MBTD1: variants seen among roughly 807,000 people sequenced by gnomAD.
MBTD1 encodes mbt domain containing 1, also known as MBT domain-containing protein 1.
A neutral mutation model predicts 87.8 loss-of-function variants in MBTD1; 24 were observed. The ratio of observed to expected loss-of-function variants is 0.27; its 90% CI spans 0.20 to 0.38. MBTD1 has a LOEUF of 0.38. Ranked by LOEUF, MBTD1 falls within the 10% of genes least tolerant of loss-of-function variation. The pLI, the probability that MBTD1 is intolerant of heterozygous loss-of-function variation, is 1.00. For synonymous variants in MBTD1, 237 were observed against 248.6 expected, an observed-to-expected ratio of 0.95 and a Z score of 0.44; for missense variants, 436 against 760.2, an observed-to-expected ratio of 0.57 and a Z score of 5.02.
chr17:51,179,496 A>ATATATATATATT lies in MBTD1; in HGVS notation c.*1079_*1080insAATATATATATA, dbSNP rs1555673726. On this transcript the variant is annotated 3_prime_UTR_variant, in exon 17 of 17. Transcript: ENST00000586178. The stretch of plus-strand genomic sequence containing the variant: ...ATTAAAGACAATTTTATATATATAT[A>ATATATATATATT]TATATATATATATATATATATATAT... 6.0e-4 allele frequency: 32 copies of ATATATATATATT among 53,092 alleles called. 1 individual carries two copies. Among genetic ancestry groups the ATATATATATATT allele is most frequent in the South Asian group, 1.2e-3 (2 of 1,696 alleles). 3.3% of individuals were successfully genotyped at this position (53,092 alleles called of 1,614,324 possible).
At chr17:51,205,253 T>C (rs2051751609) in intron 7 of MBTD1, among the ~76,000 whole-genome samples, 1 of 152,238 alleles carries the variant, frequency 6.6e-6, no homozygotes, top group Admixed American at 6.5e-5. Flanking sequence ...AGTTTGCTAA[T>C]TACTGCTGAA....
chr17:51,209,879 G>C (rs2052071054), intron 6 of MBTD1, among the ~76,000 whole-genome samples: 1 of 152,166 alleles, frequency 6.6e-6, no homozygotes, highest in African/African-American at 2.4e-5. Flanking sequence ...AATATTATTT[G>C]GAAGGGGAGA....
intron 2 of MBTD1, among the ~76,000 whole-genome samples, chr17:51,239,087 G>C (rs928745811): frequency 1.5e-5 from 2 of 132,008 alleles, no homozygotes; most frequent in Admixed American, 7.7e-5. Context: ...GCGACCAAGC[G>C]AGTCTCCATC....
intron 5 of MBTD1, among the ~76,000 whole-genome samples, 175 bp downstream of exon 5, chr17:51,218,755 C>T (rs1174187426): frequency 6.6e-6 from 1 of 152,112 alleles, no homozygotes; most frequent in Non-Finnish European, 1.5e-5. Flanking sequence ...TGCAACTATA[C>T]TCTTCTAGAG....
chr17:51,228,685 G>C (rs1208122153), intron 2 of MBTD1, among the ~76,000 whole-genome samples: 1 of 151,252 alleles, frequency 6.6e-6, no homozygotes, highest in Non-Finnish European at 1.5e-5. Flanking sequence ...CTGAGGTCAG[G>C]AGTTTGAGAC....
At chr17:51,221,099 G>A (rs2143629504) in intron 3 of MBTD1, among the ~76,000 whole-genome samples, 1 of 152,232 alleles carries the variant, frequency 6.6e-6, no homozygotes, top group Admixed American at 6.5e-5. Flanking sequence ...TATGGGACCA[G>A]CCTGGGCAAG....
chr17:51,228,946 A>G (rs1262502154), intron 2 of MBTD1, among the ~76,000 whole-genome samples: 1 of 151,980 alleles, frequency 6.6e-6, no homozygotes, highest in African/African-American at 2.4e-5. Flanking sequence ...TGCAAAATAA[A>G]AACAGGAGAC....
chr17:51,227,456 G>A (rs2053295866), intron 2 of MBTD1, among the ~76,000 whole-genome samples: 1 of 152,026 alleles, frequency 6.6e-6, no homozygotes, highest in Admixed American at 6.6e-5. Flanking sequence ...AGCTACTTGG[G>A]AGGCTGAAGT....
At chr17:51,187,603 A>C (rs1223161413) in intron 16 of MBTD1, among the ~76,000 whole-genome samples, 1 of 152,100 alleles carries the variant, frequency 6.6e-6, no homozygotes, top group East Asian at 1.9e-4. Context: ...TGATCCCAGC[A>C]CTTTGGGAGG....
chr17:51,209,696 A>C (rs1057078464), intron 6 of MBTD1, among the ~76,000 whole-genome samples: 7 of 152,216 alleles, frequency 4.6e-5, no homozygotes, highest in Non-Finnish European at 7.3e-5. Context: ...CCAACCAAAG[A>C]CAACCATACA....
intron 2 of MBTD1, among the ~76,000 whole-genome samples, chr17:51,228,252 G>A (rs1042621254): frequency 6.6e-6 from 1 of 151,992 alleles, no homozygotes; most frequent in South Asian, 2.1e-4. Flanking sequence ...AGAGGACCAG[G>A]AAAAATAACG....
At chr17:51,259,051 A>G (rs1490855388) in intron 2 of MBTD1, 92 bp downstream of exon 2, 9 of 398,614 alleles carry the variant, frequency 2.3e-5, no homozygotes, top group African/African-American at 2.1e-5. Flanking sequence ...GGGTAGGCAG[A>G]CAACAATTAG....
chr17:51,247,509 CG>C (rs911976021), intron 2 of MBTD1, among the ~76,000 whole-genome samples: 1 of 148,676 alleles, frequency 6.7e-6, no homozygotes, highest in Non-Finnish European at 1.5e-5. Context: ...TGCAGCAGCA[CG>C]ATCTTGGCTC....
At chr17:51,255,742 G>C (rs2055051136) in intron 2 of MBTD1, among the ~76,000 whole-genome samples, 1 of 151,720 alleles carries the variant, frequency 6.6e-6, no homozygotes, top group African/African-American at 2.4e-5. Context: ...GGACTACAGG[G>C]GTGTGCCACC....
chr17:51,189,614 A>C (rs550820481), intron 16 of MBTD1, among the ~76,000 whole-genome samples: 9 of 152,358 alleles, frequency 5.9e-5, no homozygotes, highest in Non-Finnish European at 1.2e-4. Context: ...TGTCTACATA[A>C]AACTCACAGA....
chr17:51,190,750 A>AAAAAAAAAAATAT (rs1555677185), intron 16 of MBTD1, among the ~76,000 whole-genome samples: 1 of 39,718 alleles, frequency 2.5e-5, no homozygotes, highest in African/African-American at 1.5e-4. Flanking sequence ...AAAAAAAAAA[A>AAAAAAAAAAATAT]ATATATATAT....
At chr17:51,202,573 G>A in intron 10 of MBTD1, 128 bp downstream of exon 10, 2 of 704,252 alleles carry the variant, frequency 2.8e-6, no homozygotes, top group African/African-American at 1.8e-5. Context: ...ACTAATTAAG[G>A]TAGAAGAAGC....
intron 2 of MBTD1, among the ~76,000 whole-genome samples, chr17:51,232,692 T>C (rs1265739536): frequency 6.6e-6 from 1 of 151,958 alleles, no homozygotes; most frequent in African/African-American, 2.4e-5. Flanking sequence ...GTATGGAGAA[T>C]GGAGAAAGGC....
intron 2 of MBTD1, among the ~76,000 whole-genome samples, chr17:51,238,189 G>A (rs753822446): frequency 2.5e-4 from 38 of 152,178 alleles, no homozygotes; most frequent in South Asian, 2.1e-4. Flanking sequence ...TTTCATGAGC[G>A]TACACCTATG....
Sources: allele counts gnomAD v4.1 joint callset (sites outside exome capture counted in the v4.1 genomes callset), GRCh38; gene constraint gnomAD v4.1.1; transcripts MANE v1.5; gene names NCBI Gene and HGNC (gene_info 2026-07-23, HGNC 2026-07-21).